The following SMAD2 variants were observed in gnomAD, a reference collection of about 807,000 sequenced individuals.
The protein encoded by SMAD2 is MAD homolog 2.
A neutral mutation model predicts 64.4 loss-of-function variants in SMAD2; 8 were observed. That is an observed-to-expected ratio of 0.12 (90% CI 0.07 to 0.22). The LOEUF (loss-of-function observed/expected upper bound fraction) is 0.22. Among genes scored for constraint, SMAD2 ranks in the 10% least tolerant of loss-of-function variants. The pLI is 1.00. For missense variants in SMAD2, 289 were observed against 561.2 expected, an observed-to-expected ratio of 0.51 and a Z score of 4.90; for synonymous variants, 203 against 195.8, an observed-to-expected ratio of 1.04 and a Z score of -0.31.
At position 47,832,063 on chromosome 18, in the gene SMAD2, TG is replaced by T. The variant is rs1478886009; in HGVS notation, c.*9763del. On this transcript the variant is annotated 3_prime_UTR_variant, in exon 11 of 11. Transcript: ENST00000262160. ...TTGGATGACATCAGTTTGATACTGA[TG>T]CCTGCTTCCTGCACTAAGAGGCTTT... 6.6e-6 allele frequency: 1 copy of T among 152,220 alleles called. No homozygotes were observed. The highest frequency in any genetic ancestry group is 1.5e-5 in the Non-Finnish European group (1 of 68,044). The allele number at this position is 152,220 out of a possible 1,614,324, so 9.4% of individuals were successfully genotyped here. A position where few individuals can be genotyped will look rare whatever the true frequency, so the allele number is the denominator to read the frequency against.
At chr18:47,896,460 G>GT in intron 2 of SMAD2, 61 bp downstream of exon 2, 1 of 1,550,704 alleles carries the variant, frequency 6.4e-7, no homozygotes, top group Non-Finnish European at 8.9e-7. Context: ...CACAAATTCA[G>GT]TAACTTTCCT....
rs544409099 is a variant in SMAD2 at position 47,819,108 on chromosome 18, T to C, written c.*22719A>G. 1 of 152,384 alleles carries C rather than the reference T, an allele frequency of 6.6e-6. No individual in the cohort carries two copies. Among genetic ancestry groups the C allele is most frequent in the East Asian group, 1.9e-4 (1 of 5,192 alleles). The allele number at this position is 152,384 out of a possible 1,614,324, so 9.4% of individuals were successfully genotyped here. A position where few individuals can be genotyped will look rare whatever the true frequency, so the allele number is the denominator to read the frequency against. ...AATAAATGAGTGCTAATACAAAATA[T>C]ATAGTAATTAACACAAGTGCCTTTT... On this transcript the variant is annotated 3_prime_UTR_variant, in exon 11 of 11. Coordinates refer to ENST00000262160, the MANE Select transcript of SMAD2 (RefSeq NM_005901.6).
chr18:47,913,940 T>C (rs1009602170), intron 1 of SMAD2, among the ~76,000 whole-genome samples: 2 of 152,248 alleles, frequency 1.3e-5, no homozygotes, highest in African/African-American at 4.8e-5. Flanking sequence ...TCTTTACAGC[T>C]GAATAAGTCA....
chr18:47,924,243 C>T (rs1251684977), intron 1 of SMAD2, among the ~76,000 whole-genome samples: 9 of 109,712 alleles, frequency 8.2e-5, no homozygotes, highest in African/African-American at 3.1e-4. Context: ...AGCAAAACTC[C>T]GTCTCAAAAA....
chr18:47,918,296 G>A (rs1048703821), intron 1 of SMAD2, among the ~76,000 whole-genome samples: 5 of 152,126 alleles, frequency 3.3e-5, no homozygotes, highest in African/African-American at 7.2e-5. Flanking sequence ...GTTAAATGTC[G>A]ACTCCCAAAC....
intron 5 of SMAD2, among the ~76,000 whole-genome samples, chr18:47,866,386 T>C (rs2031564322): frequency 6.6e-6 from 1 of 151,090 alleles, no homozygotes; most frequent in Non-Finnish European, 1.5e-5. Context: ...AATAACCTTT[T>C]ACAATATCTA....
intron 6 of SMAD2, among the ~76,000 whole-genome samples, chr18:47,863,857 CT>C (rs1312246215): frequency 6.6e-6 from 1 of 152,112 alleles, no homozygotes; most frequent in Non-Finnish European, 1.5e-5. Flanking sequence ...GAACAGGAAA[CT>C]TTTCCAAAGT....
intron 1 of SMAD2, among the ~76,000 whole-genome samples, chr18:47,901,740 G>C (rs562638741): frequency 6.6e-6 from 1 of 152,154 alleles, no homozygotes; most frequent in Non-Finnish European, 1.5e-5. Flanking sequence ...GTTTGTCCCT[G>C]TTCCTAGGAT....
intron 2 of SMAD2, among the ~76,000 whole-genome samples, chr18:47,896,244 T>C (rs1159585472): frequency 6.6e-6 from 1 of 152,238 alleles, no homozygotes; most frequent in African/African-American, 2.4e-5. Context: ...CAATTCTTTA[T>C]TCAAGTATCA....
rs1598737761 is a variant in SMAD2, at chr18:47,839,329, C to T, written c.*2498G>A. 2 of 233,212 alleles carry T rather than the reference C, an allele frequency of 8.6e-6. No individual in the cohort carries two copies. The highest frequency in any genetic ancestry group is 1.2e-4 in the East Asian group (2 of 16,710). 14.4% of individuals were successfully genotyped at this position (233,212 alleles called of 1,614,324 possible). ...TACCACTTTCAGAGTTGTTTTCTGC[C>T]CCTACAACTGTTCCCTAACACCATT... On this transcript the variant is annotated 3_prime_UTR_variant, in exon 11 of 11. Coordinates refer to ENST00000262160, the MANE Select transcript of SMAD2 (RefSeq NM_005901.6).
At chr18:47,848,923 T>C (rs1403660352) in intron 7 of SMAD2, among the ~76,000 whole-genome samples, 3 of 152,172 alleles carry the variant, frequency 2.0e-5, no homozygotes, top group South Asian at 2.1e-4. Context: ...ATTTCTCCCA[T>C]GTCATTAAAT....
At chr18:47,916,203 C>T (rs1014818012) in intron 1 of SMAD2, among the ~76,000 whole-genome samples, 6 of 152,112 alleles carry the variant, frequency 3.9e-5, no homozygotes, top group African/African-American at 1.4e-4. Context: ...GGTGAGAATG[C>T]AGCCTATATC....
At chr18:47,844,070 T>G (rs746746984) in intron 10 of SMAD2, among the ~76,000 whole-genome samples, 1 of 152,160 alleles carries the variant, frequency 6.6e-6, no homozygotes, top group Non-Finnish European at 1.5e-5. Flanking sequence ...TCAGCATTCT[T>G]AACAGGTAAC....
rs73443909 is a variant in SMAD2 at position 47,875,634 on chromosome 18, A to G, written c.237-5070T>C. ...GCTTTTTACACATTCAATAAATTTC[A>G]CTAATCTAAGATTATCTACTTTAAA... On this transcript the variant is annotated intron_variant, in intron 2 of 10. Transcript: ENST00000262160. Among the ~76,000 whole-genome samples the G allele has an allele frequency of 3.6e-3, 543 of 152,294 alleles. 4 individuals carry two copies. The highest frequency in any genetic ancestry group is 0.013 in the African/African-American group (528 of 41,584).
chr18:47,850,735 TAATA>T (rs1373143380), intron 7 of SMAD2, among the ~76,000 whole-genome samples: 2 of 34,128 alleles, frequency 5.9e-5, no homozygotes, highest in African/African-American at 2.3e-4. Flanking sequence ...ATATTATGTA[TAATA>T]TATATTATAT....
intron 6 of SMAD2, among the ~76,000 whole-genome samples, chr18:47,862,522 T>C (rs1238411801): frequency 4.6e-5 from 7 of 152,220 alleles, no homozygotes; most frequent in Admixed American, 1.3e-4. Context: ...TCCATCTTCA[T>C]ATAGCACATT....
At chr18:47,879,576 TATACTG>T (rs2032469019) in intron 2 of SMAD2, among the ~76,000 whole-genome samples, 1 of 151,804 alleles carries the variant, frequency 6.6e-6, no homozygotes. Context: ...TAGTCATTCT[TATACTG>T]ATAGACACCT....
At chr18:47,848,328 G>A (rs1047285422) in intron 8 of SMAD2, 147 bp downstream of exon 8, 12 of 685,312 alleles carry the variant, frequency 1.8e-5, no homozygotes, top group African/African-American at 1.2e-4. Context: ...AAGCAGTGAA[G>A]CCTGTGCACT....
chr18:47,819,220 TTAC>T lies in SMAD2; in HGVS notation c.*22604_*22606del, dbSNP rs1912478563. ...GTGTCTTTAAAATTTTTGCCTGAAT[TTAC>T]TACTCAGTTTTATATTTGTCTCTGT... On this transcript the variant is annotated 3_prime_UTR_variant, in exon 11 of 11. Coordinates refer to ENST00000262160, the MANE Select transcript of SMAD2 (RefSeq NM_005901.6). 4 of 152,284 alleles carry T rather than the reference TTAC, an allele frequency of 2.6e-5. No individual in the cohort carries two copies. The South Asian group carries it at 8.3e-4, about 32-fold the overall frequency. The allele number at this position is 152,284 out of a possible 1,614,324, so 9.4% of individuals were successfully genotyped here. A position where few individuals can be genotyped will look rare whatever the true frequency, so the allele number is the denominator to read the frequency against.
Sources: gnomAD v4.1 joint callset for allele counts (sites outside exome capture counted in the v4.1 genomes callset) on GRCh38, gnomAD v4.1.1 for gene constraint, MANE v1.5 for transcripts, NCBI Gene and HGNC (gene_info 2026-07-23, HGNC 2026-07-21) for gene names.